Variants in CAPN1 observed in about 807,000 individuals in gnomAD.
CAPN1 encodes calpain-1 catalytic subunit.
A neutral mutation model predicts 105.2 loss-of-function variants in CAPN1; 77 were observed. The ratio of observed to expected loss-of-function variants is 0.73; its 90% CI spans 0.61 to 0.88. The LOEUF (loss-of-function observed/expected upper bound fraction) is 0.88. CAPN1 is among the 40% of genes least tolerant of loss of function. The pLI, the probability that CAPN1 is intolerant of heterozygous loss-of-function variation, is 0.00. For missense variants in CAPN1, 833 were observed against 976.6 expected (o/e 0.85, Z 1.96); for synonymous variants, 355 against 388.8 (o/e 0.91, Z 1.02).
At position 65,188,105 on chromosome 11, in the gene CAPN1, C is replaced by T. The variant is rs572167139; in HGVS notation, c.929+65C>T. The T allele has an allele frequency of 2.9e-4, 332 of 1,141,830 alleles. 1 individual carries two copies. The South Asian group carries it at 4.8e-3, about 16-fold the overall frequency. The allele number at this position is 1,141,830 out of a possible 1,614,324, so 70.7% of individuals were successfully genotyped here. A position where few individuals can be genotyped will look rare whatever the true frequency, so the allele number is the denominator to read the frequency against. On this transcript the variant is annotated intron_variant, in intron 8 of 21. Coordinates refer to ENST00000279247, the MANE Select transcript of CAPN1 (RefSeq NM_005186.4). This position sits in a 1 kb window ranked among gnomAD's most constrained non-coding sequence, Gnocchi z 5.5. ...ACTGTTAGGTGCCCCGACATTTCTG[C>T]TCGGGACTCTACCAGGCCAGGCTGG...
rs981482918 is a variant in CAPN1, at chr11:65,197,506, T to C, written c.1166-7177T>C. Among the ~76,000 whole-genome samples, 3 of 152,212 alleles carry C rather than the reference T, an allele frequency of 2.0e-5. No individual in the cohort carries two copies. The East Asian group carries it at 5.8e-4, about 29-fold the overall frequency. On this transcript the variant is annotated intron_variant, in intron 10 of 21. Transcript: ENST00000279247. ...TGAATTTTTAAAATATATCTTTTTA[T>C]ACTGTTTGATGTCCAATCTTTCTAT...
intron 10 of CAPN1, among the ~76,000 whole-genome samples, chr11:65,199,105 G>A (rs1948832226): frequency 6.6e-6 from 1 of 152,228 alleles, no homozygotes; most frequent in South Asian, 2.1e-4. Flanking sequence ...AAAGTGCTGA[G>A]ATTACAGGCA....
Position 65,206,603 on chromosome 11 carries a change from C to G in CAPN1, c.1494C>G (p.Pro498=). The G allele has an allele frequency of 2.5e-6, 4 of 1,613,444 alleles. No individual in the cohort carries two copies. Among genetic ancestry groups the G allele is most frequent in the Non-Finnish European group, 3.4e-6 (4 of 1,179,876 alleles). ...CACCCGGGGAGTATGTGGTGGTGCC[C>G]TCCACCTTCGAGCCCAACAAGGAGG... ...RLPPGEYVVV[P]STFEPNKEGD... The change falls in exon 13 of 22, where the codon CCC becomes CCG. Residue 498 remains proline, a synonymous_variant. Transcript: ENST00000279247.
Position 65,208,078 on chromosome 11 carries a change from T to G in CAPN1, c.1629T>G (p.Ile543Met). Residue 543 changes from isoleucine (I) to methionine (M), a missense_variant, in exon 15 of 22, where the codon ATT becomes ATG. Transcript: ENST00000279247. This position sits in a 1 kb window ranked among gnomAD's most constrained non-coding sequence, Gnocchi z 4.1. ...PDEQVLSEEE[I>M]DENFKALFRQ... ...AGCAAGTGCTCTCAGAAGAGGAGATTGACGAGAACTTCAAGGCCCTCTTCA... is the reference window on the plus strand; with the variant it reads ...AGCAAGTGCTCTCAGAAGAGGAGATGGACGAGAACTTCAAGGCCCTCTTCA... 3 of 1,604,522 alleles carry G rather than the reference T, an allele frequency of 1.9e-6. No individual in the cohort carries two copies. The highest frequency in any genetic ancestry group is 2.6e-6 in the Non-Finnish European group (3 of 1,175,708).
chr11:65,206,791 A>T lies in CAPN1; in HGVS notation c.1577A>T (p.Asp526Val), dbSNP rs1184741447. Residue 526 changes from aspartate (D) to valine (V), a missense_variant, in exon 14 of 22, where the codon GAC becomes GTC. Coordinates refer to ENST00000279247, the MANE Select transcript of CAPN1 (RefSeq NM_005186.4). ...CCCACTCTCTGCAGGGAGCTGGATG[A>T]CCAGATCCAGGCCAATCTCCCCGAT... ...EKSAGTVELD[D>V]QIQANLPDEQ... 1.9e-6 allele frequency: 3 copies of T among 1,612,670 alleles called. No individual in the cohort carries two copies. Among genetic ancestry groups the T allele is most frequent in the Non-Finnish European group, 2.5e-6 (3 of 1,179,448 alleles).
chr11:65,183,088 G>A, intron 2 of CAPN1, 40 bp from the exon 3 acceptor site: 1 of 1,612,842 alleles, frequency 6.2e-7, no homozygotes, highest in South Asian at 1.1e-5. Flanking sequence ...CAATTTCTGG[G>A]AGGGGCTGGC....
chr11:65,206,814 G>A lies in CAPN1; in HGVS notation c.1600G>A (p.Asp534Asn), dbSNP rs372462125. 14 of 1,611,680 alleles carry A rather than the reference G, an allele frequency of 8.7e-6. No homozygotes were observed. The highest frequency in any genetic ancestry group is 2.2e-5 in the East Asian group (1 of 44,776). Residue 534 changes from aspartate to asparagine, a missense_variant, in exon 14 of 22, where the codon GAT becomes AAT. By Grantham distance (23) the Asp-to-Asn change is conservative (BLOSUM62 1). Transcript: ENST00000279247. ...LDDQIQANLP[D>N]EQVLSEEEID... is the part of the protein sequence containing the mutation. ...TGACCAGATCCAGGCCAATCTCCCC[G>A]ATGAGGTGCGTGGTCCCACCCCACC... is the stretch of plus-strand genomic sequence containing the variant.
chr11:65,184,863 G>A (rs1437776960), intron 4 of CAPN1, among the ~76,000 whole-genome samples: 1 of 152,182 alleles, frequency 6.6e-6, no homozygotes, highest in Admixed American at 6.5e-5. Flanking sequence ...TCTTGTTTAA[G>A]TCTTCCGTGA....
chr11:65,190,703 GT>G (rs781281135), intron 10 of CAPN1, among the ~76,000 whole-genome samples: 1 of 149,042 alleles, frequency 6.7e-6, no homozygotes, highest in African/African-American at 2.5e-5. Flanking sequence ...TTTGTTGTTG[GT>G]TTTTTTTGTT....
rs370475728 is a variant in CAPN1 at position 65,204,786 on chromosome 11, T to C, written c.1269T>C (p.Leu423=). 43 of 1,612,904 alleles carry C rather than the reference T, an allele frequency of 2.7e-5. 1 individual carries two copies. Among genetic ancestry groups the C allele is most frequent in the Non-Finnish European group, 3.3e-5 (39 of 1,179,780 alleles). ...RESGCSFVLA[L]MQKHRRRERR... ...CAGGCTGCAGCTTCGTGCTCGCCCTTATGCAGAAGCACCGTCGCCGCGAGC... is the reference window on the plus strand; with the variant it reads ...CAGGCTGCAGCTTCGTGCTCGCCCTCATGCAGAAGCACCGTCGCCGCGAGC... Residue 423 remains leucine (L), a synonymous_variant, in exon 11 of 22, where the codon CTT becomes CTC. Transcript: ENST00000279247.
rs751688449 is a variant in CAPN1, at chr11:65,210,802, TTGAACACACAGGATTTTTCAAAAC to T, written c.2060-10_2073del. On this transcript the variant is annotated splice_acceptor_variant and splice_polypyrimidine_tract_variant and coding_sequence_variant and intron_variant, in exon 21 of 22. Coordinates refer to ENST00000279247, the MANE Select transcript of CAPN1 (RefSeq NM_005186.4). LOFTEE classifies it high-confidence loss of function. The surrounding 1 kb of genome is among the most constrained non-coding windows in gnomAD (Gnocchi z 4.3). ...GTTTTCAGCCCTGTATCACCTTTTC[TTGAACACACAGGATTTTTCAAAAC>T]TCTGGACACAGATCTGGATGGAGTT... 1.2e-6 allele frequency: 2 copies of T among 1,612,272 alleles called. No homozygotes were observed. Among genetic ancestry groups the T allele is most frequent in the Non-Finnish European group, 1.7e-6 (2 of 1,178,408 alleles).
intron 10 of CAPN1, among the ~76,000 whole-genome samples, chr11:65,193,135 C>T (rs531908518): frequency 6.6e-6 from 1 of 151,076 alleles, no homozygotes; most frequent in Non-Finnish European, 1.5e-5. Flanking sequence ...TGCCCACCAC[C>T]ACGCCTGGCT....
Position 65,210,200 on chromosome 11 carries a change from A to C in CAPN1, c.1942+104A>C. ...CTGGGGTGCTAGTGGTGACATGGTA[A>C]CAGCCATCTTGTCCTTTTCCCCACG... On this transcript the variant is annotated intron_variant, in intron 19 of 21. Transcript: ENST00000279247. The surrounding 1 kb of genome is among the most constrained non-coding windows in gnomAD (Gnocchi z 4.3). The C allele has an allele frequency of 1.7e-6, 2 of 1,173,962 alleles. No individual in the cohort carries two copies. Among genetic ancestry groups the C allele is most frequent in the Non-Finnish European group, 1.3e-6 (1 of 788,580 alleles). The allele number at this position is 1,173,962 out of a possible 1,614,324, so 72.7% of individuals were successfully genotyped here. A position where few individuals can be genotyped will look rare whatever the true frequency, so the allele number is the denominator to read the frequency against.
intron 10 of CAPN1, among the ~76,000 whole-genome samples, chr11:65,192,857 T>C (rs1393822203): frequency 6.6e-6 from 1 of 152,140 alleles, no homozygotes; most frequent in Non-Finnish European, 1.5e-5. Flanking sequence ...TCCTCCCACC[T>C]TGGCCTCCCA....
At chr11:65,207,175 T>C (rs1948973505) in intron 14 of CAPN1, among the ~76,000 whole-genome samples, 1 of 150,112 alleles carries the variant, frequency 6.7e-6, no homozygotes, top group African/African-American at 2.5e-5. Flanking sequence ...CCTGAGGCCA[T>C]ACAGTAGGGA....
At chr11:65,207,595 C>T (rs1164008584) in intron 14 of CAPN1, among the ~76,000 whole-genome samples, 4 of 151,376 alleles carry the variant, frequency 2.6e-5, no homozygotes, top group Non-Finnish European at 1.5e-5. Context: ...AGGGCAGGAA[C>T]GAGATTCCCT....
At chr11:65,206,721 C>T in intron 13 of CAPN1, 47 bp downstream of exon 13, 1 of 1,609,862 alleles carries the variant, frequency 6.2e-7, no homozygotes, top group Middle Eastern at 1.7e-4. Flanking sequence ...CCCAGCCTCC[C>T]CTCTCAGGCC....
At chr11:65,195,031 G>A (rs1282606953) in intron 10 of CAPN1, among the ~76,000 whole-genome samples, 1 of 149,860 alleles carries the variant, frequency 6.7e-6, no homozygotes, top group Non-Finnish European at 1.5e-5. Context: ...TTCAACACTA[G>A]TTATTGCTCT....
At position 65,204,729 on chromosome 11, in the gene CAPN1, G is replaced by A. The variant is rs1478703090; in HGVS notation, c.1212G>A (p.Thr404=). The A allele has an allele frequency of 4.3e-6, 7 of 1,613,122 alleles. No homozygotes were observed. Among genetic ancestry groups the A allele is most frequent in the East Asian group, 2.2e-5 (1 of 44,872 alleles). Residue 404 remains threonine (T), a synonymous_variant, in exon 11 of 22, where the codon ACG becomes ACA. Coordinates refer to ENST00000279247, the MANE Select transcript of CAPN1 (RefSeq NM_005186.4). ...NPQFKIRLDE[T]DDPDDYGDRE... ...AGTTCAAGATCCGGCTGGATGAGACGGATGACCCGGACGACTACGGGGACC... is the reference window on the plus strand; with the variant it reads ...AGTTCAAGATCCGGCTGGATGAGACAGATGACCCGGACGACTACGGGGACC...
Sources: allele counts gnomAD v4.1 joint callset (sites outside exome capture counted in the v4.1 genomes callset), GRCh38; gene constraint gnomAD v4.1.1; non-coding constraint Gnocchi (gnomAD v3.1); transcripts MANE v1.5; gene names NCBI Gene and HGNC (gene_info 2026-07-23, HGNC 2026-07-21).